Variants in KIF26B observed in about 807,000 individuals in gnomAD.
KIF26B encodes the protein kinesin family member 26B, also known as kinesin-like protein KIF26B.
KIF26B carries 63 observed loss-of-function variants against 151.2 expected under a neutral mutation model. That is an observed-to-expected ratio of 0.42 (90% CI 0.34 to 0.51). The LOEUF (loss-of-function observed/expected upper bound fraction) is 0.51, where lower values mean the gene tolerates loss of function less well. Among genes scored for constraint, KIF26B ranks in the 20% least tolerant of loss-of-function variants. The pLI is 0.07. For missense variants in KIF26B, 2,813 were observed against 2,913.6 expected (o/e 0.97, Z 0.79); for synonymous variants, 1,357 against 1,262.1 (o/e 1.08, Z -1.59).
chr1:245,679,304 G>A (rs2044397242), intron 10 of KIF26B, among the ~76,000 whole-genome samples: 1 of 152,182 alleles, frequency 6.6e-6, no homozygotes, highest in African/African-American at 2.4e-5. Context: ...GTGCCTGAGT[G>A]ATAACATGCT....
chr1:245,169,468 A>G lies in KIF26B; in HGVS notation c.465+12785A>G, dbSNP rs117747686. 2.6e-5 allele frequency among the ~76,000 whole-genome samples: 4 copies of G among 152,006 alleles called. No individual in the cohort carries two copies. In the East Asian group the frequency reaches 7.7e-4, roughly 29 times the overall value. ...ATTGTTAGGCTGAAGCTTTTATTGG[A>G]GGTCAAGGCAGCTAATAAAGTGGGC... On this transcript the variant is annotated intron_variant, in intron 2 of 14. Coordinates refer to ENST00000407071, the MANE Select transcript of KIF26B (RefSeq NM_018012.4).
At chr1:245,306,865 T>C (rs574157487) in intron 2 of KIF26B, among the ~76,000 whole-genome samples, 138 of 152,336 alleles carry the variant, frequency 9.1e-4, no homozygotes, top group African/African-American at 3.3e-3. Context: ...CTTGCTCATA[T>C]TGGCATCCTT....
intron 2 of KIF26B, among the ~76,000 whole-genome samples, chr1:245,295,824 T>G (rs1671327223): frequency 6.6e-6 from 1 of 152,180 alleles, no homozygotes; most frequent in Non-Finnish European, 1.5e-5. Flanking sequence ...AGAAACTCTT[T>G]GGGCTGCATT....
At chr1:245,398,311 C>T (rs765887471) in intron 3 of KIF26B, among the ~76,000 whole-genome samples, 3 of 152,132 alleles carry the variant, frequency 2.0e-5, no homozygotes, top group Non-Finnish European at 2.9e-5. Context: ...CCTTGACCCC[C>T]GATAAAGTAA....
intron 2 of KIF26B, among the ~76,000 whole-genome samples, chr1:245,211,759 C>G (rs111978600): frequency 1.3e-5 from 2 of 152,218 alleles, no homozygotes; most frequent in African/African-American, 4.8e-5. Context: ...TCCTCATCTT[C>G]CCTTACTTTA....
intron 5 of KIF26B, among the ~76,000 whole-genome samples, chr1:245,565,381 C>T (rs1172314335): frequency 4.6e-5 from 7 of 151,932 alleles, no homozygotes; most frequent in Non-Finnish European, 1.0e-4. Flanking sequence ...CTCCACCTCC[C>T]GGGTTCAAGC....
chr1:245,430,608 A>G (rs1391121783), intron 4 of KIF26B, among the ~76,000 whole-genome samples: 2 of 152,180 alleles, frequency 1.3e-5, no homozygotes, highest in East Asian at 3.8e-4. Context: ...TTGAGGCTGC[A>G]GTGAGCTACG....
chr1:245,334,979 C>G (rs1297534862), intron 2 of KIF26B, among the ~76,000 whole-genome samples: 1 of 152,164 alleles, frequency 6.6e-6, no homozygotes, highest in African/African-American at 2.4e-5. Flanking sequence ...TGGGCGAGAA[C>G]TGGATGTAAT....
At chr1:245,510,018 G>A (rs1660797657) in intron 4 of KIF26B, among the ~76,000 whole-genome samples, 1 of 152,196 alleles carries the variant, frequency 6.6e-6, no homozygotes, top group Admixed American at 6.5e-5. Context: ...AGGGTCCTGG[G>A]CTGCAGTGCC....
intron 3 of KIF26B, among the ~76,000 whole-genome samples, chr1:245,379,099 C>T (rs991164211): frequency 6.6e-6 from 1 of 152,216 alleles, no homozygotes; most frequent in African/African-American, 2.4e-5. Context: ...ACATCAATCA[C>T]CAATTTCATA....
chr1:245,425,685 G>A lies in KIF26B; in HGVS notation c.1166+5940G>A, dbSNP rs370919089. Among the ~76,000 whole-genome samples, 9 of 152,356 alleles carry A rather than the reference G, an allele frequency of 5.9e-5. No individual in the cohort carries two copies. In the East Asian group the frequency reaches 1.7e-3, roughly 29 times the overall value. The stretch of plus-strand genomic sequence containing the variant: ...CTCTCAAAGTGCTGGGATTACAGGC[G>A]TGAGCCATGGCGCCCAGCTGTGTTT... On this transcript the variant is annotated intron_variant, in intron 4 of 14. Coordinates refer to ENST00000407071, the MANE Select transcript of KIF26B (RefSeq NM_018012.4).
intron 3 of KIF26B, among the ~76,000 whole-genome samples, chr1:245,380,520 T>C (rs1673382018): frequency 6.6e-6 from 1 of 152,024 alleles, no homozygotes; most frequent in African/African-American, 2.4e-5. Flanking sequence ...TCCCTTTTGG[T>C]TCAAGCAACA....
chr1:245,455,876 C>A (rs1438754273), intron 4 of KIF26B, among the ~76,000 whole-genome samples: 1 of 152,170 alleles, frequency 6.6e-6, no homozygotes, highest in African/African-American at 2.4e-5. Flanking sequence ...TGGGTATGAT[C>A]TTCCCTTAAC....
chr1:245,612,167 T>TGGCACGATCACAGCTCACTGCAGC (rs2043534998), intron 9 of KIF26B, among the ~76,000 whole-genome samples, 191 bp downstream of exon 9: 1 of 150,510 alleles, frequency 6.6e-6, no homozygotes, highest in East Asian at 2.0e-4. Flanking sequence ...TGCAGTGCAG[T>TGGCACGATCACAGCTCACTGCAGC]GGCACGATCA....
At chr1:245,441,753 G>A (rs1001708449) in intron 4 of KIF26B, among the ~76,000 whole-genome samples, 5 of 152,204 alleles carry the variant, frequency 3.3e-5, no homozygotes, top group Admixed American at 6.5e-5. Flanking sequence ...CTTAACAATC[G>A]TTGGGTGGAA....
chr1:245,693,102 C>T (rs2044648391), intron 12 of KIF26B, among the ~76,000 whole-genome samples: 1 of 152,186 alleles, frequency 6.6e-6, no homozygotes, highest in Non-Finnish European at 1.5e-5. Context: ...AACATTTCAC[C>T]CTCATCCTGG....
chr1:245,679,449 T>TGTG (rs1222008488), intron 10 of KIF26B, among the ~76,000 whole-genome samples: 7 of 102,510 alleles, frequency 6.8e-5, no homozygotes, highest in African/African-American at 2.2e-4. Flanking sequence ...TGTGTTTTTT[T>TGTG]TGTGTGTGTT....
At chr1:245,577,705 T>A in intron 5 of KIF26B, among the ~76,000 whole-genome samples, 1 of 102,116 alleles carries the variant, frequency 9.8e-6, no homozygotes, top group Admixed American at 9.8e-5. Context: ...GCGATGCATC[T>A]CCTCACCGGA....
intron 4 of KIF26B, among the ~76,000 whole-genome samples, chr1:245,456,631 T>C (rs958361985): frequency 2.6e-5 from 4 of 152,244 alleles, no homozygotes; most frequent in Non-Finnish European, 5.9e-5. Flanking sequence ...TAGTCTTCCT[T>C]CCATTAGGAT....
Sources: gnomAD v4.1 joint callset for allele counts (sites outside exome capture counted in the v4.1 genomes callset) on GRCh38, gnomAD v4.1.1 for gene constraint, MANE v1.5 for transcripts, NCBI Gene and HGNC (gene_info 2026-07-23, HGNC 2026-07-21) for gene names.